KHDC4: variants seen among roughly 807,000 people sequenced by gnomAD.
KHDC4 encodes KH domain containing 4, pre-mRNA splicing factor.
In KHDC4, 19 loss-of-function variants were observed where a neutral mutation model predicts 74.5. The ratio of observed to expected loss-of-function variants is 0.26; its 90% CI spans 0.18 to 0.37. The LOEUF (loss-of-function observed/expected upper bound fraction) is 0.37, where lower values mean the gene tolerates loss of function less well. KHDC4 is among the 10% of genes least tolerant of loss of function. The pLI is 1.00. For synonymous variants in KHDC4, 253 were observed against 266.1 expected, an observed-to-expected ratio of 0.95 and a Z score of 0.48; for missense variants, 632 against 754.1, an observed-to-expected ratio of 0.84 and a Z score of 1.90.
chr1:155,915,727 G>C, intron 13 of KHDC4, 146 bp downstream of exon 13: 1 of 535,040 alleles, frequency 1.9e-6, no homozygotes, highest in Non-Finnish European at 3.3e-6. Flanking sequence ...AGCTGGTCTT[G>C]AACTCCTGAC....
At chr1:155,934,266 C>T (rs1572016773) in intron 1 of KHDC4, 70 bp downstream of exon 1, 2 of 1,508,488 alleles carry the variant, frequency 1.3e-6, no homozygotes, top group Admixed American at 1.7e-5. Flanking sequence ...CTATACGCAG[C>T]TTCTCAGGGT....
chr1:155,926,388 G>A (rs1404180174), intron 6 of KHDC4: 1 of 369,614 alleles, frequency 2.7e-6, no homozygotes, highest in Non-Finnish European at 4.9e-6. Context: ...GGAGTGCAGT[G>A]GCATGGTCTC....
chr1:155,914,377 A>T, intron 13 of KHDC4, 57 bp from the exon 14 acceptor site: 2 of 1,289,068 alleles, frequency 1.6e-6, no homozygotes, highest in South Asian at 2.6e-5. Flanking sequence ...AAAAAAAAAT[A>T]CCATAAATTC....
chr1:155,933,407 C>A (rs1674185660), intron 2 of KHDC4, among the ~76,000 whole-genome samples: 1 of 152,024 alleles, frequency 6.6e-6, no homozygotes, highest in Non-Finnish European at 1.5e-5. Context: ...TCTGCCTCAG[C>A]CTCCTGAGTA....
At chr1:155,928,569 C>A (rs1674071959) in intron 4 of KHDC4, among the ~76,000 whole-genome samples, 1 of 97,370 alleles carries the variant, frequency 1.0e-5, no homozygotes, top group African/African-American at 3.8e-5. Context: ...CCTGAATAAT[C>A]ACAAACTATA....
intron 9 of KHDC4, 57 bp from the exon 10 acceptor site, chr1:155,921,685 T>A: frequency 6.3e-7 from 1 of 1,576,220 alleles, no homozygotes; most frequent in Non-Finnish European, 8.6e-7. Context: ...ACAATTTAGC[T>A]GAATATTAAA....
At chr1:155,928,192 C>T (rs1340391607) in intron 4 of KHDC4, among the ~76,000 whole-genome samples, 1 of 151,890 alleles carries the variant, frequency 6.6e-6, no homozygotes, top group African/African-American at 2.4e-5. Flanking sequence ...TGTCCAACAT[C>T]GTGAAACCCC....
chr1:155,928,366 A>T lies in KHDC4; in HGVS notation c.464+930T>A, dbSNP rs183086708. Among the ~76,000 whole-genome samples, 320 of 151,712 alleles carry T rather than the reference A, an allele frequency of 2.1e-3. 1 individual carries two copies. The highest frequency in any genetic ancestry group is 6.8e-3 in the Middle Eastern group (2 of 294). On this transcript the variant is annotated intron_variant, in intron 4 of 13. Coordinates refer to ENST00000368321, the MANE Select transcript of KHDC4 (RefSeq NM_014949.4). ...TCCAGCCTGGGCAACAAGAGCAAAA[A>T]CTCCTTCTCTAATAAATAAATAAAT...
Position 155,915,906 on chromosome 1 carries a change from T to C in KHDC4, c.1612A>G (p.Arg538Gly). 6.2e-7 allele frequency: 1 copy of C among 1,603,830 alleles called. No individual in the cohort carries two copies. The highest frequency in any genetic ancestry group is 8.5e-7 in the Non-Finnish European group (1 of 1,176,430). Residue 538 changes from arginine (R) to glycine (G), a missense_variant, in exon 13 of 14, where the codon AGG becomes GGG. Coordinates refer to ENST00000368321, the MANE Select transcript of KHDC4 (RefSeq NM_014949.4). Reference protein sequence around the residue: ...VTGIKTESDERNGSGTLTGSH... With the variant: ...VTGIKTESDEGNGSGTLTGSH... The stretch of plus-strand genomic sequence containing the variant: ...CCTGTTAAGGTCCCAGACCCATTCC[T>C]TTCATCGGACTCTGTTTTTATTCCA...
At chr1:155,917,301 T>C (rs924824909) in intron 11 of KHDC4, among the ~76,000 whole-genome samples, 198 bp downstream of exon 11, 18 of 152,100 alleles carry the variant, frequency 1.2e-4, no homozygotes, top group East Asian at 5.8e-4. Context: ...ATCAAGAGCT[T>C]TGAGTGAGAT....
chr1:155,917,576 T>TTGGGAG lies in KHDC4; in HGVS notation c.1357_1362dup (p.Leu453_Pro454dup), dbSNP rs779995450. On this transcript the variant is annotated inframe_insertion, in exon 11 of 14. Transcript: ENST00000368321. The stretch of plus-strand genomic sequence containing the variant: ...CGTCTCTTCTGTGCCTGGGGCTGAC[T>TTGGGAG]TGGGAGTGGGGGCTGGGGCTGGGGC... 6 of 1,606,756 alleles carry TTGGGAG rather than the reference T, an allele frequency of 3.7e-6. No individual in the cohort carries two copies. The African/African-American group carries it at 4.0e-5, about 11-fold the overall frequency.
intron 2 of KHDC4, among the ~76,000 whole-genome samples, chr1:155,930,779 TC>T (rs1674123722): frequency 6.6e-6 from 1 of 152,134 alleles, no homozygotes; most frequent in Admixed American, 6.6e-5. Flanking sequence ...TAAAACCTGA[TC>T]CGGTTTCTTT....
chr1:155,922,372 C>G (rs995443835), intron 8 of KHDC4, among the ~76,000 whole-genome samples: 9 of 152,114 alleles, frequency 5.9e-5, no homozygotes, highest in African/African-American at 9.7e-5. Context: ...GTCTCGAACT[C>G]CTGACCTCAT....
In KHDC4 at chr1:155,926,134, TACA is replaced by T. The variant is rs1557969831; in HGVS notation, c.682-294_682-292del. On this transcript the variant is annotated intron_variant, in intron 6 of 13. Transcript: ENST00000368321. ...AATTAAAACCACTAACTTCAAAATGTACAACATGTATACCTTCTGCTCTATCAA... is the reference window on the plus strand; with the variant it reads ...AATTAAAACCACTAACTTCAAAATGTACATGTATACCTTCTGCTCTATCAA... 5.1e-6 allele frequency: 3 copies of T among 589,388 alleles called. No individual in the cohort carries two copies. In the East Asian group the frequency reaches 1.2e-4, roughly 24 times the overall value. 36.5% of individuals were successfully genotyped at this position (589,388 alleles called of 1,614,324 possible). A position where few individuals can be genotyped will look rare whatever the true frequency, so the allele number is the denominator to read the frequency against.
intron 11 of KHDC4, 118 bp from the exon 12 acceptor site, chr1:155,916,855 C>T (rs1446697425): frequency 4.5e-6 from 3 of 662,596 alleles, no homozygotes; most frequent in African/African-American, 3.6e-5. Context: ...CGTTAAACTA[C>T]TACAAAGCTC....
At chr1:155,930,360 T>A (rs1254824505) in intron 2 of KHDC4, among the ~76,000 whole-genome samples, 1 of 152,168 alleles carries the variant, frequency 6.6e-6, no homozygotes, top group Admixed American at 6.5e-5. Context: ...TAAAATGACA[T>A]TAAATAAAGT....
Position 155,929,302 on chromosome 1 carries a change from C to A in KHDC4, c.458G>T (p.Gly153Val). The A allele has an allele frequency of 6.2e-7, 1 of 1,611,908 alleles. No individual in the cohort carries two copies. Among genetic ancestry groups the A allele is most frequent in the Non-Finnish European group, 8.5e-7 (1 of 1,178,048 alleles). Residue 153 changes from glycine (G) to valine (V), a missense_variant, in exon 4 of 14, where the codon GGA becomes GTA. Gly to Val is a moderately radical substitution (Grantham distance 109, BLOSUM62 -3). Transcript: ENST00000368321. ...FMTTEEKAKV[G>V]PGDRPLYLHV... ...AAGATAAGAGAATACGCACCCTGGT[C>A]CCACTTTGGCTTTTTCCTCAGTTGT...
In KHDC4 at chr1:155,929,270, CATAAACAAG is replaced by C. The variant is rs1674093166; in HGVS notation, c.464+17_464+25del. The C allele has an allele frequency of 1.3e-6, 2 of 1,546,050 alleles. No individual in the cohort carries two copies. The highest frequency in any genetic ancestry group is 4.5e-5 in the East Asian group (2 of 44,554). ...ACGTGAGTCATACACCCAACCCTTCCATAAACAAGATAAGAGAATACGCACCCTGGTCCC... is the reference window on the plus strand; with the variant it reads ...ACGTGAGTCATACACCCAACCCTTCCATAAGAGAATACGCACCCTGGTCCC... On this transcript the variant is annotated intron_variant, in intron 4 of 13. Coordinates refer to ENST00000368321, the MANE Select transcript of KHDC4 (RefSeq NM_014949.4).
chr1:155,919,809 T>G (rs141189005), intron 10 of KHDC4: 83 of 163,314 alleles, frequency 5.1e-4, no homozygotes, highest in African/African-American at 1.8e-3. Context: ...AGATTCTGTC[T>G]CAAAAAATAA....
Sources: gnomAD v4.1 joint callset for allele counts (sites outside exome capture counted in the v4.1 genomes callset) on GRCh38, gnomAD v4.1.1 for gene constraint, MANE v1.5 for transcripts, NCBI Gene and HGNC (gene_info 2026-07-23, HGNC 2026-07-21) for gene names.